TTC28: variants seen among roughly 807,000 people sequenced by gnomAD.
The protein encoded by TTC28 is tetratricopeptide repeat protein 28.
TTC28 carries 61 observed loss-of-function variants against 198.0 expected under a neutral mutation model. The ratio of observed to expected loss-of-function variants is 0.31; its 90% CI spans 0.25 to 0.38. The LOEUF (loss-of-function observed/expected upper bound fraction) is 0.38, where lower values mean the gene tolerates loss of function less well. Ranked by LOEUF, TTC28 falls within the 10% of genes least tolerant of loss-of-function variation. TTC28 has a pLI of 1.00. For missense variants in TTC28, 2,678 were observed against 3,164.0 expected, an observed-to-expected ratio of 0.85 and a Z score of 3.69; for synonymous variants, 1,171 against 1,297.8, an observed-to-expected ratio of 0.90 and a Z score of 2.10.
chr22:28,313,035 C>A (rs2045292909), intron 2 of TTC28, among the ~76,000 whole-genome samples: 1 of 152,034 alleles, frequency 6.6e-6, no homozygotes, highest in Non-Finnish European at 1.5e-5. Context: ...GGGATATCAC[C>A]ACTGATCCCA....
chr22:28,150,074 C>G (rs1943571640), intron 6 of TTC28, among the ~76,000 whole-genome samples: 1 of 152,112 alleles, frequency 6.6e-6, no homozygotes, highest in Non-Finnish European at 1.5e-5. Flanking sequence ...GATTACAATC[C>G]TACTCTGCCC....
intron 6 of TTC28, among the ~76,000 whole-genome samples, chr22:28,112,633 C>T (rs1003203617): frequency 2.0e-5 from 3 of 152,190 alleles, no homozygotes; most frequent in Non-Finnish European, 4.4e-5. Flanking sequence ...CTCTTGGCAG[C>T]CTTTCTCTTT....
At chr22:28,502,876 C>G (rs1018489338) in intron 2 of TTC28, among the ~76,000 whole-genome samples, 1 of 152,148 alleles carries the variant, frequency 6.6e-6, no homozygotes, top group Non-Finnish European at 1.5e-5. Flanking sequence ...AATTCATCAT[C>G]AAATGCCACA....
At chr22:28,154,635 C>T (rs1168205352) in intron 6 of TTC28, among the ~76,000 whole-genome samples, 1 of 152,002 alleles carries the variant, frequency 6.6e-6, no homozygotes, top group East Asian at 1.9e-4. Context: ...GGATTACAGG[C>T]GTGAGCCACC....
At chr22:28,491,528 A>G (rs1341589502) in intron 2 of TTC28, among the ~76,000 whole-genome samples, 1 of 152,250 alleles carries the variant, frequency 6.6e-6, no homozygotes, top group Non-Finnish European at 1.5e-5. Flanking sequence ...ATCACTGGCC[A>G]TCAAAGAAAT....
intron 2 of TTC28, among the ~76,000 whole-genome samples, chr22:28,543,513 AAAAG>A (rs1336844008): frequency 6.6e-6 from 1 of 151,878 alleles, no homozygotes; most frequent in Non-Finnish European, 1.5e-5. Context: ...AAGAAGAATA[AAAAG>A]AGAGAAAGAA....
At chr22:28,167,154 A>C (rs5762504) in intron 5 of TTC28, among the ~76,000 whole-genome samples, 9,063 of 152,330 alleles carry the variant, frequency 0.059, 343 homozygotes, top group East Asian at 0.14. Context: ...GACCAATAAC[A>C]GGCTCTCAAA....
chr22:28,055,704 T>C (rs1291916649), intron 12 of TTC28, among the ~76,000 whole-genome samples: 2 of 152,284 alleles, frequency 1.3e-5, no homozygotes, highest in East Asian at 1.9e-4. Context: ...GCTAGTAAAG[T>C]GCAGGGCCAA....
intron 2 of TTC28, among the ~76,000 whole-genome samples, chr22:28,408,054 T>G (rs1306046609): frequency 1.3e-5 from 2 of 152,258 alleles, no homozygotes; most frequent in African/African-American, 4.8e-5. Flanking sequence ...CTAGTAACTG[T>G]GCATTCAGCT....
chr22:28,479,929 T>A (rs1199050296), intron 2 of TTC28, among the ~76,000 whole-genome samples: 10 of 152,308 alleles, frequency 6.6e-5, no homozygotes, highest in African/African-American at 2.2e-4. Context: ...TTCATATTTT[T>A]AAAACATTTA....
chr22:28,538,441 T>C (rs1448977644), intron 2 of TTC28, among the ~76,000 whole-genome samples: 2 of 151,894 alleles, frequency 1.3e-5, no homozygotes, highest in Non-Finnish European at 2.9e-5. Context: ...AATAAGAAAC[T>C]GGTAATGCGT....
At chr22:28,089,753 G>T (rs1427622960) in intron 12 of TTC28, among the ~76,000 whole-genome samples, 1 of 150,308 alleles carries the variant, frequency 6.7e-6, no homozygotes, top group Non-Finnish European at 1.5e-5. Context: ...AGAAAATGTG[G>T]CATGTATACA....
At chr22:28,077,283 A>G (rs1317510405) in intron 12 of TTC28, among the ~76,000 whole-genome samples, 1 of 152,210 alleles carries the variant, frequency 6.6e-6, no homozygotes, top group Non-Finnish European at 1.5e-5. Flanking sequence ...GGGTATGTAC[A>G]TATGCGATCT....
intron 2 of TTC28, among the ~76,000 whole-genome samples, chr22:28,619,754 T>C (rs2050962189): frequency 6.6e-6 from 1 of 152,146 alleles, no homozygotes; most frequent in Non-Finnish European, 1.5e-5. Flanking sequence ...AACATAAGTT[T>C]AGAAACAGTC....
At chr22:28,336,792 T>C (rs1017555963) in intron 2 of TTC28, among the ~76,000 whole-genome samples, 1 of 152,198 alleles carries the variant, frequency 6.6e-6, no homozygotes, top group Non-Finnish European at 1.5e-5. Context: ...AAAAACCAGC[T>C]CCTGGATTCA....
intron 5 of TTC28, among the ~76,000 whole-genome samples, chr22:28,281,232 A>G (rs754199822): frequency 6.6e-6 from 1 of 152,110 alleles, no homozygotes; most frequent in Non-Finnish European, 1.5e-5. Flanking sequence ...ATAATTATAC[A>G]TATGTAAGAC....
intron 5 of TTC28, among the ~76,000 whole-genome samples, chr22:28,226,081 T>C (rs1928321622): frequency 6.6e-6 from 1 of 152,244 alleles, no homozygotes; most frequent in African/African-American, 2.4e-5. Context: ...TTGGCTATTA[T>C]AGATAAAGCT....
At chr22:28,362,215 A>G (rs1953054702) in intron 2 of TTC28, among the ~76,000 whole-genome samples, 2 of 151,990 alleles carry the variant, frequency 1.3e-5, no homozygotes, top group Admixed American at 1.3e-4. Flanking sequence ...CATGGGGGCA[A>G]GTCTTTGCTG....
intron 5 of TTC28, among the ~76,000 whole-genome samples, chr22:28,167,057 A>C (rs941908165): frequency 7.9e-5 from 12 of 152,354 alleles, no homozygotes; most frequent in African/African-American, 2.9e-4. Context: ...TACGCAAAAA[A>C]ACTAGAAAAT....
Sources: allele counts gnomAD v4.1 joint callset (sites outside exome capture counted in the v4.1 genomes callset), GRCh38; gene constraint gnomAD v4.1.1; transcripts MANE v1.5; gene names NCBI Gene and HGNC (gene_info 2026-07-23, HGNC 2026-07-21).